Variants in VPS52 observed in about 807,000 individuals in gnomAD.
VPS52 encodes VPS52 subunit of GARP complex.
A neutral mutation model predicts 98.7 loss-of-function variants in VPS52; 56 were observed. The observed-to-expected ratio is 0.57, with a 90% CI of 0.46 to 0.71. The LOEUF is 0.71. VPS52 is among the 30% of genes least tolerant of loss of function. The pLI, the probability that VPS52 is intolerant of heterozygous loss-of-function variation, is 0.00. For missense variants in VPS52, 742 were observed against 925.9 expected, an observed-to-expected ratio of 0.80 and a Z score of 2.58; for synonymous variants, 348 against 346.4, an observed-to-expected ratio of 1.00 and a Z score of -0.05.
intron 17 of VPS52, among the ~76,000 whole-genome samples, chr6:33,255,290 T>C (rs1017137836): frequency 2.6e-5 from 4 of 152,060 alleles, no homozygotes; most frequent in African/African-American, 7.2e-5. Context: ...ACCAGAAGCA[T>C]TGATGGCAGC....
intron 12 of VPS52, 116 bp downstream of exon 12, chr6:33,266,441 G>A: frequency 7.4e-7 from 1 of 1,354,476 alleles, no homozygotes; most frequent in Non-Finnish European, 9.9e-7. Context: ...CCAAGGCTTA[G>A]ACATTTTAGA....
chr6:33,251,788 A>G, intron 18 of VPS52, 72 bp downstream of exon 18: 2 of 1,515,990 alleles, frequency 1.3e-6, no homozygotes, highest in Non-Finnish European at 1.8e-6. Context: ...CCACCATGTA[A>G]TCTGCATCCT....
At position 33,271,625 on chromosome 6, in the gene VPS52, C is replaced by A. The variant is rs778288411; in HGVS notation, c.51G>T (p.Arg17=). The part of the protein sequence containing the change: ...MAAAARELVL[R]AGTSDMEEEE... The stretch of plus-strand genomic sequence containing the variant: ...CCTCCTCCATATCTGAGGTCCCAGC[C>A]CGCAACACCAGTTCCCGGGCCGCAG... Residue 17 remains arginine (R), a synonymous_variant, in exon 1 of 20, where the codon CGG becomes CGT. Coordinates refer to ENST00000445902, the MANE Select transcript of VPS52 (RefSeq NM_022553.6). The A allele has an allele frequency of 6.2e-7, 1 of 1,612,094 alleles. No individual in the cohort carries two copies. The highest frequency in any genetic ancestry group is 2.2e-5 in the East Asian group (1 of 44,800).
rs1581535373 is a variant in VPS52, at chr6:33,250,958, A to C, written c.2055T>G (p.Tyr685Ter). ...QGALTQLIQL[Y>*]HRFHRVLSQP... Reference sequence around the variant, plus strand: ...GGGACAGCACCCGGTGGAAGCGATGATAGAGCTGGATCAGCTGGGTCAGCG... The same window carrying C: ...GGGACAGCACCCGGTGGAAGCGATGCTAGAGCTGGATCAGCTGGGTCAGCG... Residue 685 changes from tyrosine (Y) to a stop codon, truncating the protein, a stop_gained, in exon 20 of 20, where the codon TAT (tyrosine) becomes TAG (stop). Transcript: ENST00000445902. LOFTEE classifies it high-confidence loss of function. 9 of 1,613,084 alleles carry C rather than the reference A, an allele frequency of 5.6e-6. No individual in the cohort carries two copies. Among genetic ancestry groups the C allele is most frequent in the Non-Finnish European group, 7.6e-6 (9 of 1,180,030 alleles).
In VPS52 at chr6:33,269,799, AT is replaced by A; in HGVS notation, c.248del (p.Tyr83PhefsTer27). ...GTAGCTCCAGCTCAACTTGCTTTGA[AT>A]AGTGACGGAGATCTACACCCTGGGA... Reference protein sequence around the residue: ...ALKTGVDLRHYSKQVELELQQ... With the variant: ...ALKTGVDLRHXSKQVELELQQ... On this transcript the variant is annotated frameshift_variant, in exon 4 of 20. Coordinates refer to ENST00000445902, the MANE Select transcript of VPS52 (RefSeq NM_022553.6). LOFTEE classifies it high-confidence loss of function. The A allele has an allele frequency of 6.6e-7, 1 of 1,504,448 alleles. No individual in the cohort carries two copies. The highest frequency in any genetic ancestry group is 8.9e-7 in the Non-Finnish European group (1 of 1,122,104). 93.2% of individuals were successfully genotyped at this position (1,504,448 alleles called of 1,614,324 possible).
chr6:33,266,489 AC>A, intron 12 of VPS52, 67 bp downstream of exon 12: 1 of 1,476,960 alleles, frequency 6.8e-7, no homozygotes, highest in East Asian at 2.3e-5. Flanking sequence ...CAGAGTCATG[AC>A]CCCACTATGC....
In VPS52 at chr6:33,256,463, C is replaced by CAAAAAAAAAAAAAA. The variant is rs9280385; in HGVS notation, c.1795-4506_1795-4493dup. On this transcript the variant is annotated intron_variant, in intron 17 of 19. Transcript: ENST00000445902. ...CTGAGTGACAGAGCAAAACCTGTCT[C>CAAAAAAAAAAAAAA]AAAAAAAAAAAAAAAAAAAAAAAAA... Among the ~76,000 whole-genome samples, 21 of 83,736 alleles carry CAAAAAAAAAAAAAA rather than the reference C, an allele frequency of 2.5e-4. 2 individuals are homozygous for CAAAAAAAAAAAAAA. The highest frequency in any genetic ancestry group is 3.5e-4 in the Non-Finnish European group (15 of 43,370). The allele number at this position is 83,736 out of a possible 152,430, so 54.9% of individuals were successfully genotyped here.
Position 33,268,914 on chromosome 6 carries a change from A to G in VPS52, c.548+100T>C. The G allele has an allele frequency of 2.0e-6, 3 of 1,477,894 alleles. No individual in the cohort carries two copies. Among genetic ancestry groups the G allele is most frequent in the Non-Finnish European group, 2.7e-6 (3 of 1,095,698 alleles). 91.5% of individuals were successfully genotyped at this position (1,477,894 alleles called of 1,614,324 possible). A position where few individuals can be genotyped will look rare whatever the true frequency, so the allele number is the denominator to read the frequency against. On this transcript the variant is annotated intron_variant, in intron 6 of 19. Coordinates refer to ENST00000445902, the MANE Select transcript of VPS52 (RefSeq NM_022553.6). The surrounding 1 kb of genome is among the most constrained non-coding windows in gnomAD (Gnocchi z 4.0). Reference sequence around the variant, plus strand: ...ACCTGGCTACTAATTTCTAAAAAGCACTTAACCTGGAGCCAGGAGACCCAT... The same window carrying G: ...ACCTGGCTACTAATTTCTAAAAAGCGCTTAACCTGGAGCCAGGAGACCCAT...
In VPS52 at chr6:33,267,970, A is replaced by G. The variant is rs766588373; in HGVS notation, c.828T>C (p.Asn276=). The G allele has an allele frequency of 1.9e-6, 3 of 1,613,054 alleles. No homozygotes were observed. Among genetic ancestry groups the G allele is most frequent in the Non-Finnish European group, 2.5e-6 (3 of 1,180,038 alleles). Residue 276 remains asparagine (N), a synonymous_variant, in exon 9 of 20, where the codon AAT becomes AAC. Transcript: ENST00000445902. This position sits in a 1 kb window ranked among gnomAD's most constrained non-coding sequence, Gnocchi z 4.2. ...TGATCTCCTTTGCTGTTGCTCGTTC[A>G]TTGCCCAGCAGAAACTGATAGAAGA... The part of the protein sequence containing the change: ...YRFFYQFLLG[N]ERATAKEIRD...
chr6:33,271,898 C>T, upstream of VPS52: 1 of 1,128,654 alleles, frequency 8.9e-7, no homozygotes, highest in South Asian at 1.6e-5. Context: ...CTTCGCTGTT[C>T]TCTTACCTAT....
At chr6:33,255,031 A>C (rs946349555) in intron 17 of VPS52, 2 of 152,176 alleles carry the variant, frequency 1.3e-5, no homozygotes, top group Non-Finnish European at 2.9e-5. Flanking sequence ...AGTGGTTTAA[A>C]AAATTATTTC....
intron 17 of VPS52, among the ~76,000 whole-genome samples, chr6:33,256,885 T>A (rs1763053425): frequency 6.7e-6 from 1 of 150,150 alleles, no homozygotes; most frequent in South Asian, 2.1e-4. Flanking sequence ...AGAAAAAGAT[T>A]TTCTATAAAT....
chr6:33,268,066 AAAACTC>A lies in VPS52; in HGVS notation c.800+36_800+41del. On this transcript the variant is annotated intron_variant, in intron 8 of 19. Coordinates refer to ENST00000445902, the MANE Select transcript of VPS52 (RefSeq NM_022553.6). The surrounding 1 kb of genome is among the most constrained non-coding windows in gnomAD (Gnocchi z 4.0). ...CCAGATGCCCACACTAGGCCGCTCA[AAAACTC>A]AAAGGCCATCCCATGCACTTCCTTG... 1 of 1,613,022 alleles carries A rather than the reference AAAACTC, an allele frequency of 6.2e-7. No individual in the cohort carries two copies. Among genetic ancestry groups the A allele is most frequent in the Non-Finnish European group, 8.5e-7 (1 of 1,179,972 alleles).
intron 17 of VPS52, among the ~76,000 whole-genome samples, chr6:33,260,377 T>C (rs569639521): frequency 6.6e-6 from 1 of 152,090 alleles, no homozygotes; most frequent in East Asian, 1.9e-4. Context: ...CTTTTTTGCC[T>C]TGCTGTTTTC....
Position 33,267,456 on chromosome 6 carries a change from A to G in VPS52, c.992-135T>C, listed in dbSNP as rs116610861. On this transcript the variant is annotated intron_variant, in intron 10 of 19. Coordinates refer to ENST00000445902, the MANE Select transcript of VPS52 (RefSeq NM_022553.6). The surrounding 1 kb of genome is among the most constrained non-coding windows in gnomAD (Gnocchi z 4.2). ...CAGTACTAGGGCCCCACGTGCTGACATCTGTGAATGGGCTTCAGGGTGTCT... is the reference window on the plus strand; with the variant it reads ...CAGTACTAGGGCCCCACGTGCTGACGTCTGTGAATGGGCTTCAGGGTGTCT... The G allele has an allele frequency of 7.0e-4, 980 of 1,392,650 alleles. 6 individuals carry two copies. In the African/African-American group the frequency reaches 7.8e-3, roughly 11 times the overall value. 86.3% of individuals were successfully genotyped at this position (1,392,650 alleles called of 1,614,324 possible).
At chr6:33,261,981 G>A (rs573807937) in intron 17 of VPS52, among the ~76,000 whole-genome samples, 8 of 140,880 alleles carry the variant, frequency 5.7e-5, no homozygotes, top group East Asian at 4.7e-4. Flanking sequence ...CGGAGGTTGC[G>A]GTGAGCTGAG....
rs1187155168 is a variant in VPS52 at position 33,268,066 on chromosome 6, A to G, written c.800+42T>C. ...CCAGATGCCCACACTAGGCCGCTCA[A>G]AAACTCAAAGGCCATCCCATGCACT... On this transcript the variant is annotated intron_variant, in intron 8 of 19. Transcript: ENST00000445902. The surrounding 1 kb of genome is among the most constrained non-coding windows in gnomAD (Gnocchi z 4.0). 1 of 1,613,022 alleles carries G rather than the reference A, an allele frequency of 6.2e-7. No homozygotes were observed. Among genetic ancestry groups the G allele is most frequent in the Non-Finnish European group, 8.5e-7 (1 of 1,179,972 alleles).
chr6:33,271,948 T>C (rs550108497), upstream of VPS52: 1 of 1,055,528 alleles, frequency 9.5e-7, no homozygotes, highest in South Asian at 1.6e-5. Context: ...CCGGAAGTTG[T>C]GGTACCCAAG....
At chr6:33,262,353 C>T (rs186332378) in intron 17 of VPS52, among the ~76,000 whole-genome samples, 1 of 152,050 alleles carries the variant, frequency 6.6e-6, no homozygotes, top group Admixed American at 6.6e-5. Context: ...TGGCTTTTAT[C>T]CAAAAGACAG....
Sources: gnomAD v4.1 joint callset for allele counts (sites outside exome capture counted in the v4.1 genomes callset) on GRCh38, gnomAD v4.1.1 for gene constraint, Gnocchi (gnomAD v3.1) non-coding constraint, MANE v1.5 for transcripts, NCBI Gene and HGNC (gene_info 2026-07-23, HGNC 2026-07-21) for gene names.